The following SRRM3 variants were observed in gnomAD, a reference collection of about 807,000 sequenced individuals.
The protein encoded by SRRM3 is serine/arginine repetitive matrix 3, also known as serine/arginine repetitive matrix protein 3.
A neutral mutation model predicts 66.2 loss-of-function variants in SRRM3; 27 were observed. The ratio of observed to expected loss-of-function variants is 0.41; its 90% CI spans 0.30 to 0.56. The LOEUF is 0.56. Among genes scored for constraint, SRRM3 ranks in the 20% least tolerant of loss-of-function variants. The probability of loss-of-function intolerance (pLI) is 0.32; values close to 1 mark genes in which losing one functional copy is unlikely to be tolerated. For missense variants in SRRM3, 918 were observed against 991.9 expected (o/e 0.93, Z 1.00); for synonymous variants, 391 against 414.9 (o/e 0.94, Z 0.70).
intron 2 of SRRM3, among the ~76,000 whole-genome samples, chr7:76,246,302 G>A (rs1346681528): frequency 6.6e-6 from 1 of 152,100 alleles, no homozygotes; most frequent in Non-Finnish European, 1.5e-5. Context: ...GTTGTCTCAC[G>A]CCTGTAATCC....
At chr7:76,259,810 G>T (rs1294573069) in intron 3 of SRRM3, 96 bp from the exon 4 acceptor site, 23 of 1,564,094 alleles carry the variant, frequency 1.5e-5, no homozygotes, top group Non-Finnish European at 1.9e-5. Flanking sequence ...GTAGCAGCCC[G>T]CAGACTTGCG....
chr7:76,210,200 TCAGA>T (rs1259054878), intron 1 of SRRM3, among the ~76,000 whole-genome samples: 1 of 152,164 alleles, frequency 6.6e-6, no homozygotes, highest in Admixed American at 6.5e-5. Flanking sequence ...GCCCTTGGTA[TCAGA>T]CAGAGCACCC....
At position 76,286,071 on chromosome 7, in the gene SRRM3, T is replaced by G; in HGVS notation, c.*228T>G. 1.7e-6 allele frequency: 1 copy of G among 585,666 alleles called. No homozygotes were observed. The highest frequency in any genetic ancestry group is 2.9e-5 in the East Asian group (1 of 34,222). 36.3% of individuals were successfully genotyped at this position (585,666 alleles called of 1,614,324 possible). A position where few individuals can be genotyped will look rare whatever the true frequency, so the allele number is the denominator to read the frequency against. ...TACGGGTGTCCTCTCCCACCTCCTG[T>G]CCACCCACTGTGCCCGGGGAACAAA... On this transcript the variant is annotated 3_prime_UTR_variant, in exon 15 of 15. Transcript: ENST00000611745.
Position 76,285,596 on chromosome 7 carries a change from A to C in SRRM3, c.1734-19A>C. On this transcript the variant is annotated intron_variant, in intron 14 of 14. Coordinates refer to ENST00000611745, the MANE Select transcript of SRRM3 (RefSeq NM_001110199.3). This position sits in a 1 kb window ranked among gnomAD's most constrained non-coding sequence, Gnocchi z 4.1. ...TCGGGGCCTGGGATGGCCTGTAATCAGCTTTTTCTTCCCGGCAGCGCCCGC... is the reference window on the plus strand; with the variant it reads ...TCGGGGCCTGGGATGGCCTGTAATCCGCTTTTTCTTCCCGGCAGCGCCCGC... 1 of 1,543,234 alleles carries C rather than the reference A, an allele frequency of 6.5e-7. No individual in the cohort carries two copies. Among genetic ancestry groups the C allele is most frequent in the Non-Finnish European group, 8.8e-7 (1 of 1,141,854 alleles).
intron 1 of SRRM3, among the ~76,000 whole-genome samples, chr7:76,202,567 A>C (rs1247400269): frequency 1.3e-5 from 2 of 152,168 alleles, no homozygotes; most frequent in Admixed American, 1.3e-4. Flanking sequence ...AGGAGCTGGC[A>C]AGGAGAACTG....
chr7:76,231,995 G>GT (rs1385639444), intron 1 of SRRM3, among the ~76,000 whole-genome samples: 1 of 152,168 alleles, frequency 6.6e-6, no homozygotes, highest in Non-Finnish European at 1.5e-5. Context: ...GCAGGATGGG[G>GT]TGCAGCATGG....
intron 10 of SRRM3, among the ~76,000 whole-genome samples, chr7:76,266,317 T>G (rs1159355055): frequency 1.7e-5 from 2 of 117,650 alleles, no homozygotes; most frequent in African/African-American, 7.1e-5. Flanking sequence ...TTAACATATT[T>G]TAATATAAAT....
chr7:76,238,165 C>T (rs1347536379), intron 2 of SRRM3, among the ~76,000 whole-genome samples: 1 of 152,194 alleles, frequency 6.6e-6, no homozygotes, highest in Non-Finnish European at 1.5e-5. Context: ...CCTATCTTGA[C>T]CTTGAACAAG....
intron 11 of SRRM3, chr7:76,269,599 C>T (rs1384876820): frequency 6.6e-6 from 1 of 151,754 alleles, no homozygotes; most frequent in African/African-American, 2.4e-5. Context: ...GAAAGCTCAA[C>T]ATTTTTTAAC....
At chr7:76,277,053 G>A (rs564011772) in intron 11 of SRRM3, among the ~76,000 whole-genome samples, 2 of 152,366 alleles carry the variant, frequency 1.3e-5, no homozygotes, top group East Asian at 3.9e-4. Flanking sequence ...CGATTCCAGG[G>A]TGTTCCACTT....
At chr7:76,235,997 TTC>T (rs1388747702) in intron 2 of SRRM3, among the ~76,000 whole-genome samples, 1 of 48,040 alleles carries the variant, frequency 2.1e-5, no homozygotes, top group African/African-American at 1.1e-4. Flanking sequence ...CAGATCGAGA[TTC>T]TGTCTCAAAA....
chr7:76,247,520 G>A (rs1801472069), intron 2 of SRRM3, among the ~76,000 whole-genome samples: 1 of 152,160 alleles, frequency 6.6e-6, no homozygotes, highest in Non-Finnish European at 1.5e-5. Flanking sequence ...AAGAGCGACT[G>A]CAGTCTGGAT....
intron 1 of SRRM3, among the ~76,000 whole-genome samples, chr7:76,213,737 G>A (rs1178087884): frequency 1.3e-5 from 2 of 152,048 alleles, no homozygotes; most frequent in African/African-American, 4.8e-5. Flanking sequence ...GGGAAGTGGT[G>A]GCAGAGGCTC....
chr7:76,219,250 G>C (rs755631340), intron 1 of SRRM3, among the ~76,000 whole-genome samples: 5 of 152,216 alleles, frequency 3.3e-5, no homozygotes, highest in Admixed American at 2.0e-4. Context: ...CAGTCGGTCT[G>C]AGCTCCTGGC....
chr7:76,264,473 C>A (rs562839843), intron 8 of SRRM3, among the ~76,000 whole-genome samples: 2 of 152,140 alleles, frequency 1.3e-5, no homozygotes, highest in Non-Finnish European at 2.9e-5. Flanking sequence ...GCTATAGCAC[C>A]CCACTTTATC....
At position 76,285,846 on chromosome 7, in the gene SRRM3, C is replaced by T; in HGVS notation, c.*3C>T. 6.5e-7 allele frequency: 1 copy of T among 1,546,092 alleles called. No individual in the cohort carries two copies. The highest frequency in any genetic ancestry group is 8.7e-7 in the Non-Finnish European group (1 of 1,143,698). On this transcript the variant is annotated 3_prime_UTR_variant, in exon 15 of 15. Coordinates refer to ENST00000611745, the MANE Select transcript of SRRM3 (RefSeq NM_001110199.3). This position sits in a 1 kb window ranked among gnomAD's most constrained non-coding sequence, Gnocchi z 4.1. ...GCTCTGAGAGCGGGGGCTTCTGAGC[C>T]CAGACAGACTCAGCTTGGTGCCCCC...
chr7:76,236,789 G>A (rs1554605020), intron 2 of SRRM3, among the ~76,000 whole-genome samples: 1 of 152,220 alleles, frequency 6.6e-6, no homozygotes, highest in East Asian at 1.9e-4. Context: ...AGGGATGGAT[G>A]GATGGATGGC....
intron 12 of SRRM3, 23 bp from the exon 13 acceptor site, chr7:76,282,625 C>T: frequency 1.1e-5 from 12 of 1,090,774 alleles, no homozygotes; most frequent in Non-Finnish European, 1.4e-5. Context: ...TGAGCCCTAT[C>T]CCGCGCCGTC....
chr7:76,266,367 C>A (rs181873583), intron 10 of SRRM3, among the ~76,000 whole-genome samples: 20,128 of 106,750 alleles, frequency 0.19, 3,152 homozygotes, highest in African/African-American at 0.44. Context: ...TGTATATTTT[C>A]ATATAAATAA....
Sources: allele counts gnomAD v4.1 joint callset (sites outside exome capture counted in the v4.1 genomes callset), GRCh38; gene constraint gnomAD v4.1.1; non-coding constraint Gnocchi (gnomAD v3.1); transcripts MANE v1.5; gene names NCBI Gene and HGNC (gene_info 2026-07-23, HGNC 2026-07-21).